LRRC37A2: variants seen among roughly 807,000 people sequenced by gnomAD.
LRRC37A2 encodes leucine-rich repeat-containing protein 37A2.
In LRRC37A2, 9 loss-of-function variants were observed where a neutral mutation model predicts 68.8. The ratio of observed to expected loss-of-function variants is 0.13; its 90% CI spans 0.08 to 0.23. The LOEUF (loss-of-function observed/expected upper bound fraction) is 0.23. Ranked by LOEUF, LRRC37A2 falls within the 10% of genes least tolerant of loss-of-function variation. The pLI, the probability that LRRC37A2 is intolerant of heterozygous loss-of-function variation, is 1.00. For synonymous variants in LRRC37A2, 63 were observed against 367.6 expected (o/e 0.17, Z 9.48); for missense variants, 168 against 950.4 (o/e 0.18, Z 10.82).
chr17:46,786,068 C>CCT, the LRRC37A2 span, among the ~76,000 whole-genome samples: 1 of 140,938 alleles, frequency 7.1e-6, no homozygotes, highest in African/African-American at 2.6e-5. Flanking sequence ...CCCACCCCCC[C>CCT]ACCCCTTCAT....
At chr17:46,899,930 G>A in the LRRC37A2 span, among the ~76,000 whole-genome samples, 1 of 151,582 alleles carries the variant, frequency 6.6e-6, no homozygotes, top group Non-Finnish European at 1.5e-5. Flanking sequence ...TCAAACTATA[G>A]GGGTACAACC....
At chr17:46,923,915 A>C in the LRRC37A2 span, 1 of 398,574 alleles carries the variant, frequency 2.5e-6, no homozygotes, top group East Asian at 3.6e-5. Flanking sequence ...GGCGGGGGGC[A>C]GAATTATGAT....
At chr17:46,755,320 C>G in the LRRC37A2 span, 2 of 1,612,854 alleles carry the variant, frequency 1.2e-6, no homozygotes, top group Non-Finnish European at 1.7e-6. Context: ...TTAGATGGAT[C>G]CTGAATACCG....
the LRRC37A2 span, among the ~76,000 whole-genome samples, chr17:46,946,109 TGTC>T: frequency 6.6e-6 from 1 of 152,022 alleles, no homozygotes; most frequent in East Asian, 1.9e-4. Flanking sequence ...ATCAATTCTC[TGTC>T]GTCACTCACT....
At chr17:46,872,799 G>A in the LRRC37A2 span, 2 of 1,313,892 alleles carry the variant, frequency 1.5e-6, no homozygotes, top group East Asian at 4.8e-5. Context: ...AGGGGACGGG[G>A]AGGGCTGGGG....
At chr17:46,525,596 TA>T (rs1405748888) in intron 6 of LRRC37A2, among the ~76,000 whole-genome samples, 1 of 70,942 alleles carries the variant, frequency 1.4e-5, no homozygotes, top group Non-Finnish European at 2.9e-5. Context: ...CAAATAATAA[TA>T]ATAATATAAT....
chr17:46,989,455 C>T, the LRRC37A2 span, among the ~76,000 whole-genome samples: 1 of 152,214 alleles, frequency 6.6e-6, no homozygotes, highest in Non-Finnish European at 1.5e-5. Context: ...GTGGGACCTG[C>T]CAATTAGGCT....
chr17:46,834,205 A>T, the LRRC37A2 span, among the ~76,000 whole-genome samples: 1 of 152,168 alleles, frequency 6.6e-6, no homozygotes, highest in Non-Finnish European at 1.5e-5. Flanking sequence ...AAAAAATAAA[A>T]AAAGAAAATG....
the LRRC37A2 span, among the ~76,000 whole-genome samples, chr17:47,007,491 G>A: frequency 2.2e-4 from 33 of 152,256 alleles, no homozygotes; most frequent in African/African-American, 7.5e-4. Flanking sequence ...AATATGAATG[G>A]TTTTCAGTTT....
the LRRC37A2 span, chr17:46,876,866 C>T: frequency 7.1e-7 from 1 of 1,402,334 alleles, no homozygotes; most frequent in Non-Finnish European, 9.3e-7. Context: ...CACTCACCAC[C>T]ATTCCTTGGC....
At chr17:46,944,562 G>A in the LRRC37A2 span, among the ~76,000 whole-genome samples, 2 of 152,024 alleles carry the variant, frequency 1.3e-5, no homozygotes, top group Admixed American at 6.6e-5. Flanking sequence ...CAGAGATGCC[G>A]AGCTACCTGG....
chr17:46,744,921 A>G, the LRRC37A2 span, among the ~76,000 whole-genome samples: 1 of 152,190 alleles, frequency 6.6e-6, no homozygotes, highest in Non-Finnish European at 1.5e-5. Flanking sequence ...GTTTATCATA[A>G]TCCGATTGGC....
At chr17:46,495,026 C>T in the LRRC37A2 span, among the ~76,000 whole-genome samples, 1 of 149,244 alleles carries the variant, frequency 6.7e-6, no homozygotes, top group East Asian at 2.0e-4. Context: ...TCCATGAAAT[C>T]AACTTCTTAA....
At chr17:46,834,121 G>A in the LRRC37A2 span, among the ~76,000 whole-genome samples, 1 of 152,144 alleles carries the variant, frequency 6.6e-6, no homozygotes. Context: ...CTTGAGCCCA[G>A]GCATTTGAGG....
chr17:46,952,182 C>T, the LRRC37A2 span, among the ~76,000 whole-genome samples: 2 of 152,204 alleles, frequency 1.3e-5, no homozygotes, highest in African/African-American at 4.8e-5. Flanking sequence ...AATCCTTATC[C>T]CCTTCTGCTG....
the LRRC37A2 span, among the ~76,000 whole-genome samples, chr17:46,847,578 G>A: frequency 3.9e-5 from 6 of 152,354 alleles, no homozygotes; most frequent in African/African-American, 1.2e-4. Context: ...GAGAGGGACA[G>A]GTGAGCCCAC....
At chr17:46,842,039 G>A in the LRRC37A2 span, among the ~76,000 whole-genome samples, 4 of 152,154 alleles carry the variant, frequency 2.6e-5, no homozygotes, top group African/African-American at 9.7e-5. Flanking sequence ...GCGGGGCCTG[G>A]GCTGGCCTGG....
the LRRC37A2 span, among the ~76,000 whole-genome samples, chr17:46,792,748 A>C: frequency 6.6e-6 from 1 of 152,228 alleles, no homozygotes; most frequent in Non-Finnish European, 1.5e-5. Flanking sequence ...CTGGGACTAC[A>C]GGTGTGAGCC....
chr17:46,499,076 A>T, the LRRC37A2 span, among the ~76,000 whole-genome samples: 3 of 148,012 alleles, frequency 2.0e-5, no homozygotes, highest in Admixed American at 2.0e-4. Context: ...GCACTTTGGG[A>T]GGCCTAGGCA....
Sources: gnomAD v4.1 joint callset for allele counts (sites outside exome capture counted in the v4.1 genomes callset) on GRCh38, gnomAD v4.1.1 for gene constraint, MANE v1.5 for transcripts, NCBI Gene and HGNC (gene_info 2026-07-23, HGNC 2026-07-21) for gene names.